Variants in OVCH1 observed in about 807,000 individuals in gnomAD.
OVCH1 encodes the protein ovochymase 1, also known as ovochymase-1.
A neutral mutation model predicts 138.4 loss-of-function variants in OVCH1; 139 were observed. That is an observed-to-expected ratio of 1.00 (90% confidence interval 0.87 to 1.16). The LOEUF is 1.16. Among genes scored for constraint, OVCH1 ranks in the 50% most tolerant of loss-of-function variants. The probability of loss-of-function intolerance (pLI) is 0.00; values close to 1 mark genes in which losing one functional copy is unlikely to be tolerated. For missense variants in OVCH1, 1,367 were observed against 1,357.9 expected (o/e 1.01, Z -0.11); for synonymous variants, 453 against 467.8 (o/e 0.97, Z 0.41).
exon 3 of OVCH1, chr12:29,496,273 G>T: frequency 6.2e-7 from 1 of 1,601,226 alleles, no homozygotes; most frequent in African/African-American, 1.3e-5. Context: ...CTGATTTTAG[G>T]GAGACCTACC....
intron 27 of OVCH1, among the ~76,000 whole-genome samples, chr12:29,432,479 G>A (rs944162869): frequency 1.1e-4 from 17 of 152,176 alleles, no homozygotes; most frequent in Middle Eastern, 3.2e-3. Flanking sequence ...TACTAAGGTG[G>A]GAAAGATTGG....
At chr12:29,489,723 T>C (rs1246191004) in exon 6 of OVCH1, 1 of 1,611,004 alleles carries the variant, frequency 6.2e-7, no homozygotes, top group Non-Finnish European at 8.5e-7. Context: ...CGCTCTGTCA[T>C]CCATGATGGG....
intron 9 of OVCH1, 187 bp from the exon 11 acceptor site, chr12:29,477,665 C>T (rs1942788977): frequency 1.4e-6 from 2 of 1,471,042 alleles, no homozygotes; most frequent in Non-Finnish European, 1.9e-6. Flanking sequence ...CCTTCTCAAC[C>T]CCCCAGTCTC....
At chr12:29,457,270 A>T (rs1400890048) in intron 19 of OVCH1, among the ~76,000 whole-genome samples, 1 of 151,954 alleles carries the variant, frequency 6.6e-6, no homozygotes, top group East Asian at 1.9e-4. Context: ...TAGCCAATAC[A>T]TCATTTTTCA....
chr12:29,452,966 A>G (rs1431107023), intron 21 of OVCH1, among the ~76,000 whole-genome samples: 1 of 152,208 alleles, frequency 6.6e-6, no homozygotes, highest in Non-Finnish European at 1.5e-5. Flanking sequence ...TAAAAGAGAA[A>G]CATTTTCTTT....
Position 29,464,762 on chromosome 12 carries a change from C to T in OVCH1, c.1930-60G>A. ...AGAAAGTCAAAGAATCCAGCAACTT[C>T]CTTGTTGATGGTCCAAAATAATCCT... On this transcript the variant is annotated intron_variant, in intron 17 of 27. Transcript: ENST00000318184. 4.2e-6 allele frequency: 6 copies of T among 1,426,520 alleles called. No homozygotes were observed. The South Asian group carries it at 6.4e-5, about 15-fold the overall frequency. The allele number at this position is 1,426,520 out of a possible 1,614,324, so 88.4% of individuals were successfully genotyped here.
intron 27 of OVCH1, among the ~76,000 whole-genome samples, chr12:29,428,704 G>A (rs1941218909): frequency 6.6e-6 from 1 of 152,112 alleles, no homozygotes; most frequent in Non-Finnish European, 1.5e-5. Flanking sequence ...TTATAAATCT[G>A]GAACTATCAT....
intron 8 of OVCH1, among the ~76,000 whole-genome samples, 109 bp from the exon 10 acceptor site, chr12:29,479,077 T>C (rs552415976): frequency 6.6e-6 from 1 of 152,274 alleles, no homozygotes; most frequent in South Asian, 2.1e-4. Flanking sequence ...TACAATTTTA[T>C]AGAATACGAG....
chr12:29,467,632 G>A (rs1565592139), intron 16 of OVCH1, among the ~76,000 whole-genome samples: 1 of 152,184 alleles, frequency 6.6e-6, no homozygotes, highest in South Asian at 2.1e-4. Flanking sequence ...TTCAGTAGCT[G>A]ATTTAAATTT....
chr12:29,428,414 TG>T (rs1235726180), intron 27 of OVCH1, among the ~76,000 whole-genome samples: 1 of 152,184 alleles, frequency 6.6e-6, no homozygotes, highest in Non-Finnish European at 1.5e-5. Context: ...TTTTCCATGG[TG>T]TGTATACTCC....
At position 29,454,907 on chromosome 12, in the gene OVCH1, T is replaced by A; in HGVS notation, c.2464A>T (p.Lys822Ter). Residue 822 changes from lysine to a stop codon, truncating the protein, a stop_gained, in exon 21 of 28, where the codon AAA becomes TAA. Transcript: ENST00000318184. LOFTEE classifies it high-confidence loss of function. ...AATTGTTGTTTTAAGGTTTTGCATTTATTATTTGTCTGAAGTGAAGCAGGA... is the reference window on the plus strand; with the variant it reads ...AATTGTTGTTTTAAGGTTTTGCATTAATTATTTGTCTGAAGTGAAGCAGGA... 6.2e-7 allele frequency: 1 copy of A among 1,612,228 alleles called. No homozygotes were observed. Among genetic ancestry groups the A allele is most frequent in the Non-Finnish European group, 8.5e-7 (1 of 1,178,748 alleles).
intron 4 of OVCH1, among the ~76,000 whole-genome samples, chr12:29,493,814 G>C (rs2136094550): frequency 6.6e-6 from 1 of 152,172 alleles, no homozygotes; most frequent in East Asian, 1.9e-4. Flanking sequence ...TTGAAGGTCT[G>C]ATTCTGATTG....
At chr12:29,442,979 C>T (rs975049688) in intron 25 of OVCH1, among the ~76,000 whole-genome samples, 5 of 151,980 alleles carry the variant, frequency 3.3e-5, no homozygotes, top group Admixed American at 2.6e-4. Context: ...AGTAACCAGG[C>T]TTCTAACTCC....
At chr12:29,428,281 T>C (rs1407275272) in intron 27 of OVCH1, among the ~76,000 whole-genome samples, 1 of 152,214 alleles carries the variant, frequency 6.6e-6, no homozygotes, top group Non-Finnish European at 1.5e-5. Flanking sequence ...GTAAAATTGC[T>C]CTACTTCCTG....
chr12:29,476,930 G>C (rs1007219264), intron 12 of OVCH1, among the ~76,000 whole-genome samples, 172 bp downstream of exon 12: 23 of 151,930 alleles, frequency 1.5e-4, no homozygotes, highest in African/African-American at 5.6e-4. Context: ...TTAAACCACT[G>C]AAAGTTTTCA....
chr12:29,413,553 C>A (rs1355976869), intron 3 of OVCH1, among the ~76,000 whole-genome samples: 1 of 152,026 alleles, frequency 6.6e-6, no homozygotes, highest in Non-Finnish European at 1.5e-5. Context: ...CCAGATGTAT[C>A]ATAAAATATA....
At chr12:29,491,591 G>A (rs1027201515) in intron 4 of OVCH1, among the ~76,000 whole-genome samples, 4 of 152,060 alleles carry the variant, frequency 2.6e-5, no homozygotes, top group African/African-American at 9.6e-5. Context: ...CATGAGAGGA[G>A]CTGTAAAGAA....
intron 25 of OVCH1, 123 bp downstream of exon 25, chr12:29,443,238 C>T (rs1362334609): frequency 2.1e-6 from 2 of 933,646 alleles, no homozygotes; most frequent in Non-Finnish European, 1.5e-6. Flanking sequence ...AAGTCTATTT[C>T]AACATCCTAT....
In OVCH1 at chr12:29,454,670, ATCTCCAACAATCTTAATAACAACTC is replaced by A. The variant is rs960013793; in HGVS notation, c.2530+146_2530+170del. The stretch of plus-strand genomic sequence containing the variant: ...CAGGTCTAGCTTTGGGGTAGGAATG[ATCTCCAACAATCTTAATAACAACTC>A]TCCCCACTTTCAGCTAAAACTACCA... On this transcript the variant is annotated intron_variant, in intron 21 of 27. Transcript: ENST00000318184. 2.0e-5 allele frequency among the ~76,000 whole-genome samples: 3 copies of A among 152,290 alleles called. No homozygotes were observed. In the South Asian group the frequency reaches 6.2e-4, roughly 32 times the overall value.
Sources: allele counts gnomAD v4.1 joint callset (sites outside exome capture counted in the v4.1 genomes callset), GRCh38; gene constraint gnomAD v4.1.1; transcripts MANE v1.5; gene names NCBI Gene and HGNC (gene_info 2026-07-23, HGNC 2026-07-21).